Variants in PTPRN2 observed in about 807,000 individuals in gnomAD.
PTPRN2 encodes receptor-type tyrosine-protein phosphatase N2.
A neutral mutation model predicts 118.8 loss-of-function variants in PTPRN2; 74 were observed. The observed-to-expected ratio is 0.62, with a 90% CI of 0.52 to 0.76. PTPRN2 has a LOEUF of 0.76. Ranked by LOEUF, PTPRN2 falls within the 30% of genes least tolerant of loss-of-function variation. PTPRN2 has a pLI of 0.00. For synonymous variants in PTPRN2, 641 were observed against 608.0 expected, an observed-to-expected ratio of 1.05 and a Z score of -0.80; for missense variants, 1,481 against 1,394.4, an observed-to-expected ratio of 1.06 and a Z score of -0.99.
intron 2 of PTPRN2, among the ~76,000 whole-genome samples, chr7:158,476,243 A>G (rs1472600480): frequency 6.6e-6 from 1 of 152,210 alleles, no homozygotes; most frequent in African/African-American, 2.4e-5. Context: ...AGCTCAAGCA[A>G]TTCGCCTGCC....
chr7:157,751,007 T>C (rs1801428839), intron 12 of PTPRN2, among the ~76,000 whole-genome samples: 1 of 152,200 alleles, frequency 6.6e-6, no homozygotes, highest in Non-Finnish European at 1.5e-5. Context: ...TACTCGACCG[T>C]GGGCTCTAAA....
At chr7:157,936,596 C>A (rs1170016002) in intron 11 of PTPRN2, among the ~76,000 whole-genome samples, 1 of 143,410 alleles carries the variant, frequency 7.0e-6, no homozygotes, top group Non-Finnish European at 1.6e-5. Flanking sequence ...TCGGACACCT[C>A]CCGTGTCTCC....
intron 2 of PTPRN2, among the ~76,000 whole-genome samples, chr7:158,417,712 CAGTGT>C (rs1814824793): frequency 2.6e-5 from 2 of 77,112 alleles, no homozygotes; most frequent in African/African-American, 4.3e-5. Context: ...CTCTAGCTCT[CAGTGT>C]CCCACTGTGT....
intron 3 of PTPRN2, among the ~76,000 whole-genome samples, chr7:158,280,911 C>T (rs966387470): frequency 6.6e-6 from 1 of 152,214 alleles, no homozygotes; most frequent in Non-Finnish European, 1.5e-5. Flanking sequence ...AGGCCCTGCG[C>T]CGGCCCACGG....
intron 18 of PTPRN2, 73 bp from the exon 19 acceptor site, chr7:157,576,852 A>C: frequency 1.4e-6 from 2 of 1,396,968 alleles, no homozygotes; most frequent in Non-Finnish European, 2.0e-6. Context: ...GGCACTGAGG[A>C]ACCCAGGGCC....
intron 3 of PTPRN2, among the ~76,000 whole-genome samples, chr7:158,280,150 G>A (rs545435385): frequency 5.3e-5 from 8 of 152,210 alleles, no homozygotes; most frequent in Non-Finnish European, 7.3e-5. Context: ...TTCACAGACC[G>A]CATAATATGA....
In PTPRN2 at chr7:157,729,363, G is replaced by A. The variant is rs114622023; in HGVS notation, c.1789-46426C>T. Among the ~76,000 whole-genome samples the A allele has an allele frequency of 4.7e-3, 714 of 152,270 alleles. 5 individuals are homozygous for A. The highest frequency in any genetic ancestry group is 0.016 in the African/African-American group (682 of 41,558). The stretch of plus-strand genomic sequence containing the variant: ...GTGGCTGGAACCCTGGGCTCTGGAG[G>A]GCTGGATGCCTTCAGGTCCCGGACC... On this transcript the variant is annotated intron_variant, in intron 12 of 22. Coordinates refer to ENST00000389418, the MANE Select transcript of PTPRN2 (RefSeq NM_002847.5). This position sits in a 1 kb window ranked among gnomAD's most constrained non-coding sequence, Gnocchi z 4.3.
rs1048977606 is a variant in PTPRN2, at chr7:157,893,758, C to T, written c.1788+4915G>A. Among the ~76,000 whole-genome samples, 5 of 152,124 alleles carry T rather than the reference C, an allele frequency of 3.3e-5. No homozygotes were observed. Among genetic ancestry groups the T allele is most frequent in the Admixed American group, 2.6e-4 (4 of 15,266 alleles). On this transcript the variant is annotated intron_variant, in intron 12 of 22. Transcript: ENST00000389418. This position sits in a 1 kb window ranked among gnomAD's most constrained non-coding sequence, Gnocchi z 4.0. ...GGAGACGTAGGCTTGGGATCATCAT[C>T]GAACAGATAACATAAAAAGCCAGGG...
At chr7:158,219,160 C>A (rs1010426860) in intron 3 of PTPRN2, among the ~76,000 whole-genome samples, 1 of 152,078 alleles carries the variant, frequency 6.6e-6, no homozygotes, top group African/African-American at 2.4e-5. Context: ...AGATCAGCCA[C>A]ATGCCATAAA....
chr7:157,663,480 G>A (rs1037101142), intron 13 of PTPRN2, among the ~76,000 whole-genome samples: 2 of 152,234 alleles, frequency 1.3e-5, no homozygotes, highest in Non-Finnish European at 2.9e-5. Flanking sequence ...CTGCGCTCAC[G>A]GGGAACGGGG....
At chr7:157,650,325 T>G (rs775729542) in intron 14 of PTPRN2, among the ~76,000 whole-genome samples, 1 of 152,230 alleles carries the variant, frequency 6.6e-6, no homozygotes, top group African/African-American at 2.4e-5. Context: ...GGGGGGACTA[T>G]GTACCCCTCC....
At chr7:157,705,335 C>A (rs1011725885) in intron 12 of PTPRN2, among the ~76,000 whole-genome samples, 5 of 152,148 alleles carry the variant, frequency 3.3e-5, no homozygotes, top group Non-Finnish European at 7.4e-5. Context: ...CAAAACCCTC[C>A]ATTTTCCAGA....
At chr7:158,387,614 C>T (rs1301719995) in intron 2 of PTPRN2, among the ~76,000 whole-genome samples, 5 of 1,134 alleles carry the variant, frequency 4.4e-3, no homozygotes, top group Admixed American at 0.01. Flanking sequence ...CAGCTGAAGG[C>T]GGAGAGCTGC....
chr7:158,334,482 A>G (rs1452273783), intron 2 of PTPRN2, among the ~76,000 whole-genome samples: 6 of 68,944 alleles, frequency 8.7e-5, no homozygotes, highest in African/African-American at 1.9e-4. Context: ...ACTCACACCC[A>G]CACACGTCAC....
chr7:158,176,491 C>T (rs190851269), intron 5 of PTPRN2, among the ~76,000 whole-genome samples: 1 of 152,318 alleles, frequency 6.6e-6, no homozygotes, highest in African/African-American at 2.4e-5. Context: ...GAGTGACAGA[C>T]ACCAAACACG....
intron 1 of PTPRN2, among the ~76,000 whole-genome samples, chr7:158,551,301 A>G (rs1303931290): frequency 6.6e-6 from 1 of 152,176 alleles, no homozygotes; most frequent in Non-Finnish European, 1.5e-5. Context: ...CACTCTCGTG[A>G]CCTCACCCAA....
intron 2 of PTPRN2, among the ~76,000 whole-genome samples, chr7:158,441,504 G>A (rs913699231): frequency 7.0e-6 from 1 of 142,688 alleles, no homozygotes; most frequent in Middle Eastern, 3.3e-3. Context: ...TAGTGATGGT[G>A]ATGGCAGTGG....
In PTPRN2 at chr7:157,950,451, T is replaced by C. The variant is rs11766916; in HGVS notation, c.1724-51714A>G. On this transcript the variant is annotated intron_variant, in intron 11 of 22. Coordinates refer to ENST00000389418, the MANE Select transcript of PTPRN2 (RefSeq NM_002847.5). ...CCTGTCCTGCTCTAAAATGTTCAGA[T>C]ATGTAATGGGTTATTTTTGTTGGTA... is the stretch of plus-strand genomic sequence containing the variant. Among the ~76,000 whole-genome samples, 534 of 152,302 alleles carry C rather than the reference T, an allele frequency of 3.5e-3. 1 individual carries two copies. The highest frequency in any genetic ancestry group is 5.9e-3 in the Non-Finnish European group (400 of 68,028).
chr7:157,910,420 G>C (rs1366207386), intron 11 of PTPRN2, among the ~76,000 whole-genome samples: 1 of 140,884 alleles, frequency 7.1e-6, no homozygotes, highest in Non-Finnish European at 1.5e-5. Flanking sequence ...ACGCACGTAC[G>C]CCGTGGGAAC....
Sources: allele counts gnomAD v4.1 joint callset (sites outside exome capture counted in the v4.1 genomes callset), GRCh38; gene constraint gnomAD v4.1.1; non-coding constraint Gnocchi (gnomAD v3.1); transcripts MANE v1.5; gene names NCBI Gene and HGNC (gene_info 2026-07-23, HGNC 2026-07-21).